AUTS2: variants seen among roughly 807,000 people sequenced by gnomAD.
The protein encoded by AUTS2 is activator of transcription and developmental regulator AUTS2, also known as autism susceptibility gene 2 protein.
In AUTS2, 17 loss-of-function variants were observed where a neutral mutation model predicts 112.4. The observed-to-expected ratio is 0.15, with a 90% CI of 0.10 to 0.23. The LOEUF is 0.23. Ranked by LOEUF, AUTS2 falls within the 10% of genes least tolerant of loss-of-function variation. The pLI is 1.00. For missense variants in AUTS2, 1,510 were observed against 1,701.6 expected (o/e 0.89, Z 1.98); for synonymous variants, 751 against 702.7 (o/e 1.07, Z -1.09).
chr7:70,273,637 A>G (rs1787795565), intron 4 of AUTS2, among the ~76,000 whole-genome samples: 1 of 152,292 alleles, frequency 6.6e-6, no homozygotes, highest in Middle Eastern at 3.4e-3. Flanking sequence ...TAAAAATTAT[A>G]GTCACCCCTT....
In AUTS2 at chr7:70,365,267, C is replaced by T. The variant is rs143068252; in HGVS notation, c.661-70485C>T. 3.5e-3 allele frequency among the ~76,000 whole-genome samples: 533 copies of T among 152,222 alleles called. 3 individuals carry two copies. Among genetic ancestry groups the T allele is most frequent in the African/African-American group, 0.012 (485 of 41,538 alleles). ...AACCCGGATACAAAGATTCTCATTT[C>T]CCGTTAGGTCATAGCATTTAGAATA... On this transcript the variant is annotated intron_variant, in intron 4 of 18. Transcript: ENST00000342771.
chr7:70,435,949 G>A (rs890627729), intron 5 of AUTS2, 168 bp downstream of exon 5: 20 of 609,008 alleles, frequency 3.3e-5, no homozygotes, highest in East Asian at 1.1e-4. Flanking sequence ...GCTATGACAC[G>A]TTTAATTTGT....
intron 6 of AUTS2, among the ~76,000 whole-genome samples, chr7:70,717,100 T>C (rs972606206): frequency 6.6e-6 from 1 of 151,176 alleles, no homozygotes; most frequent in Non-Finnish European, 1.5e-5. Context: ...GGCACGGTCA[T>C]AGCTTACTGC....
At chr7:70,449,334 A>G (rs1256129022) in intron 5 of AUTS2, among the ~76,000 whole-genome samples, 1 of 152,206 alleles carries the variant, frequency 6.6e-6, no homozygotes, top group Non-Finnish European at 1.5e-5. Context: ...CATTGCTAAG[A>G]TCCAAGGGAG....
At position 70,790,576 on chromosome 7, in the gene AUTS2, G is replaced by A; in HGVS notation, c.3360G>A (p.Glu1120=). Residue 1120 remains glutamate, a synonymous_variant, in exon 19 of 19, where the codon GAG becomes GAA. Transcript: ENST00000342771. This position sits in a 1 kb window ranked among gnomAD's most constrained non-coding sequence, Gnocchi z 7.6. ...YEADRSFRDR[E]PHDYSHHHHH... ...CCGACCGCTCCTTCAGGGACCGGGAGCCTCACGACTACAGCCACCACCACC... is the reference window on the plus strand; with the variant it reads ...CCGACCGCTCCTTCAGGGACCGGGAACCTCACGACTACAGCCACCACCACC... 1.2e-6 allele frequency: 2 copies of A among 1,602,602 alleles called. No individual in the cohort carries two copies. Among genetic ancestry groups the A allele is most frequent in the Non-Finnish European group, 1.7e-6 (2 of 1,175,298 alleles).
chr7:70,470,849 C>G (rs1443655559), intron 5 of AUTS2, among the ~76,000 whole-genome samples: 2 of 152,088 alleles, frequency 1.3e-5, no homozygotes, highest in Admixed American at 1.3e-4. Context: ...AGGGCATTGT[C>G]TAGTAGTCTG....
chr7:69,903,414 A>C (rs937795083), intron 2 of AUTS2, among the ~76,000 whole-genome samples: 6 of 152,212 alleles, frequency 3.9e-5, no homozygotes, highest in South Asian at 4.1e-4. Flanking sequence ...CACAGAGAGC[A>C]AAAGGGTTTT....
At chr7:70,276,377 CTT>C (rs545099548) in intron 4 of AUTS2, among the ~76,000 whole-genome samples, 8 of 139,888 alleles carry the variant, frequency 5.7e-5, no homozygotes, top group Admixed American at 7.2e-5. Context: ...AATTTTGTGA[CTT>C]TTTTTTTTTT....
chr7:70,523,357 G>C (rs932799688), intron 5 of AUTS2, among the ~76,000 whole-genome samples: 1 of 152,198 alleles, frequency 6.6e-6, no homozygotes, highest in Non-Finnish European at 1.5e-5. Flanking sequence ...CCTTTTGATA[G>C]GAGTTGAATA....
chr7:70,388,524 A>C (rs1331799333), intron 4 of AUTS2, among the ~76,000 whole-genome samples: 1 of 152,212 alleles, frequency 6.6e-6, no homozygotes, highest in Non-Finnish European at 1.5e-5. Flanking sequence ...TATTATTTTC[A>C]GTCAATCTAG....
intron 1 of AUTS2, among the ~76,000 whole-genome samples, chr7:69,809,525 A>ACCTAC (rs1466945284): frequency 6.6e-6 from 1 of 152,148 alleles, no homozygotes; most frequent in Non-Finnish European, 1.5e-5. Flanking sequence ...TGTACCACTC[A>ACCTAC]CCTACCCAAT....
intron 4 of AUTS2, among the ~76,000 whole-genome samples, chr7:70,288,064 A>G (rs1021139948): frequency 1.3e-5 from 2 of 152,170 alleles, no homozygotes; most frequent in African/African-American, 2.4e-5. Flanking sequence ...GGGGAAAAAA[A>G]CTAAAGGCTT....
chr7:69,647,787 G>A (rs7809647), intron 1 of AUTS2, among the ~76,000 whole-genome samples: 14 of 152,326 alleles, frequency 9.2e-5, no homozygotes, highest in African/African-American at 3.1e-4. Context: ...GTGAAATTAA[G>A]GTGTTGGCAG....
At chr7:70,385,875 C>G (rs1399858000) in intron 4 of AUTS2, among the ~76,000 whole-genome samples, 1 of 152,166 alleles carries the variant, frequency 6.6e-6, no homozygotes, top group East Asian at 1.9e-4. Flanking sequence ...CACACCGCAG[C>G]AGTGGCCCAG....
intron 4 of AUTS2, among the ~76,000 whole-genome samples, chr7:70,319,002 G>A (rs1790128681): frequency 6.6e-6 from 1 of 152,102 alleles, no homozygotes; most frequent in Non-Finnish European, 1.5e-5. Context: ...TTGTAAAAGT[G>A]GTTTCTAAGG....
rs116022977 is a variant in AUTS2, at chr7:69,957,321, C to G, written c.522+57823C>G. On this transcript the variant is annotated intron_variant, in intron 2 of 18. Transcript: ENST00000342771. ...CCGCATCGCTGGGTACAAACAGCGACTATATAGTCATATCTAGTAGGGAGT... is the reference window on the plus strand; with the variant it reads ...CCGCATCGCTGGGTACAAACAGCGAGTATATAGTCATATCTAGTAGGGAGT... Among the ~76,000 whole-genome samples, 1,159 of 151,668 alleles carry G rather than the reference C, an allele frequency of 7.6e-3. 22 individuals are homozygous for G. The highest frequency in any genetic ancestry group is 0.026 in the African/African-American group (1,088 of 41,326).
intron 1 of AUTS2, among the ~76,000 whole-genome samples, chr7:69,729,724 TG>T (rs1325652842): frequency 2.0e-5 from 3 of 152,096 alleles, no homozygotes; most frequent in Non-Finnish European, 4.4e-5. Context: ...AGTCACAAGG[TG>T]CATTTTGTTT....
chr7:70,360,215 C>T (rs555841409), intron 4 of AUTS2, among the ~76,000 whole-genome samples: 1 of 152,164 alleles, frequency 6.6e-6, no homozygotes, highest in South Asian at 2.1e-4. Context: ...GGAGCCTCAA[C>T]CTCCTGGGCT....
intron 4 of AUTS2, among the ~76,000 whole-genome samples, chr7:70,261,309 G>T (rs768510623): frequency 6.6e-6 from 1 of 152,182 alleles, no homozygotes; most frequent in African/African-American, 2.4e-5. Context: ...GTAGTTCCAT[G>T]TTCACCTGGG....
Sources: allele counts gnomAD v4.1 joint callset (sites outside exome capture counted in the v4.1 genomes callset), GRCh38; gene constraint gnomAD v4.1.1; non-coding constraint Gnocchi (gnomAD v3.1); transcripts MANE v1.5; gene names NCBI Gene and HGNC (gene_info 2026-07-23, HGNC 2026-07-21).